The following BAZ1B variants were observed in gnomAD, a reference collection of about 807,000 sequenced individuals.
The protein encoded by BAZ1B is bromodomain adjacent to zinc finger domain 1B, also known as tyrosine-protein kinase BAZ1B.
In BAZ1B, 22 loss-of-function variants were observed where a neutral mutation model predicts 153.8. The observed-to-expected ratio is 0.14, with a 90% CI of 0.10 to 0.20. The LOEUF (loss-of-function observed/expected upper bound fraction) is 0.20. BAZ1B is among the 10% of genes least tolerant of loss of function. The pLI is 1.00. For missense variants in BAZ1B, 1,325 were observed against 1,799.3 expected, an observed-to-expected ratio of 0.74 and a Z score of 4.77; for synonymous variants, 676 against 633.4, an observed-to-expected ratio of 1.07 and a Z score of -1.01.
chr7:73,466,152 A>G (rs1563373569), intron 10 of BAZ1B, 144 bp downstream of exon 10: 1 of 596,204 alleles, frequency 1.7e-6, no homozygotes, highest in Non-Finnish European at 2.8e-6. Flanking sequence ...TGCTAATGCA[A>G]GAAGTTTTGA....
At chr7:73,487,885 C>T (rs140219225) in intron 6 of BAZ1B, among the ~76,000 whole-genome samples, 2 of 152,164 alleles carry the variant, frequency 1.3e-5, no homozygotes, top group African/African-American at 4.8e-5. Flanking sequence ...ACAGAAGACA[C>T]CACTTATCTT....
At chr7:73,505,742 G>C (rs570651896) in intron 3 of BAZ1B, among the ~76,000 whole-genome samples, 3 of 152,114 alleles carry the variant, frequency 2.0e-5, no homozygotes, top group Non-Finnish European at 4.4e-5. Flanking sequence ...GGAGAGATAG[G>C]GTATCGCCAT....
rs1788447971 is a variant in BAZ1B at position 73,463,003 on chromosome 7, A to C, written c.3168T>G (p.Arg1056=). The C allele has an allele frequency of 6.2e-7, 1 of 1,613,946 alleles. No homozygotes were observed. The highest frequency in any genetic ancestry group is 1.7e-5 in the Admixed American group (1 of 59,988). The change falls in exon 12 of 20, where the codon CGT becomes CGG. Residue 1056 remains arginine (R), a synonymous_variant. Coordinates refer to ENST00000339594, the MANE Select transcript of BAZ1B (RefSeq NM_032408.4). The stretch of plus-strand genomic sequence containing the variant: ...TTGTTGCAACTTCAATGAGATCACT[A>C]CGAAGGAAGTTTAAAAGCTCCTGGT... ...DGNQELLNFL[R]SDLIEVATRL... is the part of the protein sequence containing the mutation.
chr7:73,459,969 C>T (rs946754157), intron 12 of BAZ1B, among the ~76,000 whole-genome samples: 6 of 151,958 alleles, frequency 3.9e-5, no homozygotes, highest in African/African-American at 1.5e-4. Context: ...CCAAGGCGGG[C>T]GAATCACCTG....
At chr7:73,491,607 G>C (rs939281541) in intron 5 of BAZ1B, among the ~76,000 whole-genome samples, 10 of 147,084 alleles carry the variant, frequency 6.8e-5, no homozygotes, top group Non-Finnish European at 1.2e-4. Flanking sequence ...CTCAAAAAAA[G>C]AAAAGAAAAG....
At chr7:73,447,907 T>C (rs1489143877) in intron 15 of BAZ1B, among the ~76,000 whole-genome samples, 2 of 152,170 alleles carry the variant, frequency 1.3e-5, no homozygotes, top group Admixed American at 6.5e-5. Context: ...AGCCCCACCA[T>C]TTCAGAGCAA....
At chr7:73,463,660 G>T (rs1038427320) in intron 11 of BAZ1B, among the ~76,000 whole-genome samples, 1 of 151,774 alleles carries the variant, frequency 6.6e-6, no homozygotes, top group Non-Finnish European at 1.5e-5. Flanking sequence ...GAACATCATA[G>T]AACTATATTT....
chr7:73,514,065 T>C (rs1790694162), intron 1 of BAZ1B, among the ~76,000 whole-genome samples: 1 of 152,196 alleles, frequency 6.6e-6, no homozygotes, highest in South Asian at 2.1e-4. Flanking sequence ...ACTTACTAGT[T>C]CAGCATCCCA....
At position 73,444,913 on chromosome 7, in the gene BAZ1B, C is replaced by T. The variant is rs562379228; in HGVS notation, c.3845-784G>A. Reference sequence around the variant, plus strand: ...CTGGTAATCCCAGCTACTCAGGAGGCTGAGGCAGGAAAATCGCTTGAACCT... The same window carrying T: ...CTGGTAATCCCAGCTACTCAGGAGGTTGAGGCAGGAAAATCGCTTGAACCT... On this transcript the variant is annotated intron_variant, in intron 16 of 19. Coordinates refer to ENST00000339594, the MANE Select transcript of BAZ1B (RefSeq NM_032408.4). 4.6e-5 allele frequency among the ~76,000 whole-genome samples: 7 copies of T among 152,220 alleles called. No homozygotes were observed. In the South Asian group the frequency reaches 1.5e-3, roughly 32 times the overall value.
intron 3 of BAZ1B, among the ~76,000 whole-genome samples, chr7:73,506,392 G>A (rs186735399): frequency 2.0e-5 from 3 of 151,818 alleles, no homozygotes; most frequent in East Asian, 1.9e-4. Flanking sequence ...CCAGCTACTC[G>A]GGAGGCTGAG....
In BAZ1B at chr7:73,522,219, A is replaced by G. The variant is rs562851390; in HGVS notation, c.-286T>C. On this transcript the variant is annotated 5_prime_UTR_variant, in exon 1 of 20. Transcript: ENST00000339594. The stretch of plus-strand genomic sequence containing the variant: ...CGGCCGGCAGTCACGACTCCTCCTC[A>G]GCAGCACCGGAGGAAATTATTGAAA... The G allele has an allele frequency of 2.1e-5, 8 of 387,260 alleles. No individual in the cohort carries two copies. The highest frequency in any genetic ancestry group is 3.2e-5 in the Non-Finnish European group (7 of 218,858). 24.0% of individuals were successfully genotyped at this position (387,260 alleles called of 1,614,324 possible).
rs1199901175 is a variant in BAZ1B at position 73,521,984 on chromosome 7, C to T, written c.-51G>A. On this transcript the variant is annotated 5_prime_UTR_variant, in exon 1 of 20. Transcript: ENST00000339594. ...GGCTGCTGGGGCCGGCCCCGCGGCG[C>T]AGCACTAGGCCCCGCGGCCCGGAGC... is the stretch of plus-strand genomic sequence containing the variant. 1.4e-5 allele frequency: 17 copies of T among 1,229,042 alleles called. No homozygotes were observed. The highest frequency in any genetic ancestry group is 4.3e-5 in the Admixed American group (1 of 23,014). The allele number at this position is 1,229,042 out of a possible 1,614,324, so 76.1% of individuals were successfully genotyped here.
chr7:73,458,791 G>C (rs945034555), intron 13 of BAZ1B, among the ~76,000 whole-genome samples: 2 of 152,112 alleles, frequency 1.3e-5, no homozygotes, highest in African/African-American at 2.4e-5. Flanking sequence ...AACTTTGAGA[G>C]GCCAAGGTGG....
At chr7:73,461,045 A>C (rs1788377806) in intron 12 of BAZ1B, among the ~76,000 whole-genome samples, 1 of 151,720 alleles carries the variant, frequency 6.6e-6, no homozygotes. Context: ...GCGCGATCTC[A>C]GCTCACTGCA....
chr7:73,489,051 G>A (rs977064556), intron 6 of BAZ1B, 143 bp downstream of exon 6: 5 of 754,480 alleles, frequency 6.6e-6, no homozygotes, highest in Admixed American at 2.8e-5. Context: ...ATAACAACCT[G>A]TATGTAACAG....
At chr7:73,456,896 C>G (rs1349190006) in intron 13 of BAZ1B, among the ~76,000 whole-genome samples, 1 of 117,870 alleles carries the variant, frequency 8.5e-6, no homozygotes, top group Non-Finnish European at 1.6e-5. Context: ...GAGCCAAGAT[C>G]ACACCACTGT....
At chr7:73,509,647 G>C (rs912543051) in intron 2 of BAZ1B, among the ~76,000 whole-genome samples, 1 of 151,054 alleles carries the variant, frequency 6.6e-6, no homozygotes, top group African/African-American at 2.4e-5. Flanking sequence ...CTTGATCCCA[G>C]GAGCTATGTG....
chr7:73,497,065 C>CAAAAAAA (rs1156829240), intron 4 of BAZ1B, among the ~76,000 whole-genome samples: 7 of 49,508 alleles, frequency 1.4e-4, no homozygotes, highest in African/African-American at 5.3e-4. Flanking sequence ...CTGACCTCTA[C>CAAAAAAA]AAAAAAAAAA....
chr7:73,472,228 C>G (rs1788830761), intron 7 of BAZ1B, among the ~76,000 whole-genome samples: 1 of 151,876 alleles, frequency 6.6e-6, no homozygotes, highest in East Asian at 1.9e-4. Flanking sequence ...AACCTACATT[C>G]TGCTTCATCT....
Sources: gnomAD v4.1 joint callset for allele counts (sites outside exome capture counted in the v4.1 genomes callset) on GRCh38, gnomAD v4.1.1 for gene constraint, MANE v1.5 for transcripts, NCBI Gene and HGNC (gene_info 2026-07-23, HGNC 2026-07-21) for gene names.